The following RPGR variants were observed in gnomAD, a reference collection of about 807,000 sequenced individuals.
The protein encoded by RPGR is retinitis pigmentosa GTPase regulator.
A neutral mutation model predicts 56.3 loss-of-function variants in RPGR; 10 were observed. That is an observed-to-expected ratio of 0.18 (90% CI 0.11 to 0.30). The LOEUF is 0.30. Among genes scored for constraint, RPGR ranks in the 10% least tolerant of loss-of-function variants. RPGR has a pLI of 1.00. For missense variants in RPGR, 538 were observed against 590.9 expected (o/e 0.91, Z 0.93); for synonymous variants, 197 against 212.9 (o/e 0.93, Z 0.65).
intron 6 of RPGR, among the ~76,000 whole-genome samples, chrX:38,311,249 C>T (rs973174986): frequency 1.2e-4 from 13 of 112,176 alleles, no homozygotes; most frequent in African/African-American, 3.6e-4. Context: ...GCAGATTTTA[C>T]CCATTTAGAT....
At chrX:38,285,657 AT>A (rs755018871) in intron 15 of RPGR, 1 of 1,210,365 alleles carries the variant, frequency 8.3e-7, no homozygotes, top group Non-Finnish European at 1.1e-6. Flanking sequence ...GCTCTTTCCC[AT>A]TTCCCTGTGT....
intron 9 of RPGR, among the ~76,000 whole-genome samples, 188 bp from the exon 10 acceptor site, chrX:38,299,329 T>C (rs1433203904): frequency 8.9e-6 from 1 of 112,455 alleles, no homozygotes; most frequent in Non-Finnish European, 1.9e-5. Flanking sequence ...ATACAATAGG[T>C]ACACAATTAC....
intron 16 of RPGR, among the ~76,000 whole-genome samples, chrX:38,276,190 A>G (rs967061145): frequency 8.9e-6 from 1 of 111,988 alleles, no homozygotes; most frequent in Non-Finnish European, 1.9e-5. Flanking sequence ...TCATTCACAC[A>G]TGTAAACATA....
chrX:38,272,114 C>G (rs892472001), intron 18 of RPGR, among the ~76,000 whole-genome samples: 1 of 110,350 alleles, frequency 9.1e-6, no homozygotes, highest in African/African-American at 3.3e-5. Context: ...ATCACTTACA[C>G]ATAGAAAACA....
At chrX:38,303,773 A>G in intron 8 of RPGR, 2 of 297,462 alleles carry the variant, frequency 6.7e-6, no homozygotes, top group Non-Finnish European at 1.2e-5. Flanking sequence ...AGATACCATT[A>G]GATGAGCAGT....
intron 13 of RPGR, among the ~76,000 whole-genome samples, chrX:38,289,094 T>G (rs1208169651): frequency 9.0e-6 from 1 of 111,608 alleles, no homozygotes; most frequent in East Asian, 2.8e-4. Context: ...ATTTTCAAAT[T>G]TTCATTTGTC....
intron 1 of RPGR, 132 bp from the exon 2 acceptor site, chrX:38,323,656 G>A: frequency 1.5e-6 from 1 of 654,053 alleles, no homozygotes; most frequent in Non-Finnish European, 2.4e-6. Context: ...CAATGTTTAA[G>A]CCTTCCTTCT....
At chrX:38,309,437 A>T (rs989024943) in intron 7 of RPGR, among the ~76,000 whole-genome samples, 4 of 112,706 alleles carry the variant, frequency 3.5e-5, no homozygotes, top group African/African-American at 1.3e-4. Context: ...TTTCAGGAAA[A>T]ATGTCAATTT....
intron 11 of RPGR, among the ~76,000 whole-genome samples, chrX:38,296,527 A>G (rs1035370941): frequency 4.5e-5 from 5 of 111,438 alleles, no homozygotes; most frequent in African/African-American, 1.6e-4. Flanking sequence ...CTGGGATTAC[A>G]AATTAAAACA....
intron 3 of RPGR, 56 bp from the exon 4 acceptor site, chrX:38,321,145 C>T (rs887156333): frequency 2.3e-6 from 2 of 876,830 alleles, no homozygotes; most frequent in Non-Finnish European, 3.4e-6. Flanking sequence ...GAACAGTAGT[C>T]CAGGACAAAT....
At chrX:38,271,207 T>A (rs2066836277) in intron 18 of RPGR, among the ~76,000 whole-genome samples, 1 of 111,185 alleles carries the variant, frequency 9.0e-6, no homozygotes, top group Non-Finnish European at 1.9e-5. Context: ...GAAACTAGGG[T>A]AAAAAGTGAT....
At chrX:38,323,638 C>A in intron 1 of RPGR, 114 bp from the exon 2 acceptor site, 2 of 806,227 alleles carry the variant, frequency 2.5e-6, no homozygotes, top group Admixed American at 5.3e-5. Context: ...GCTTTGCCCC[C>A]ACTCTGGCAA....
intron 15 of RPGR, among the ~76,000 whole-genome samples, chrX:38,282,646 G>A (rs1222662788): frequency 8.9e-6 from 1 of 111,767 alleles, no homozygotes; most frequent in Non-Finnish European, 1.9e-5. Context: ...CTCCAGGTCA[G>A]AAACAAGAAA....
chrX:38,301,191 G>A, intron 9 of RPGR, 56 bp downstream of exon 9: 1 of 1,022,772 alleles, frequency 9.8e-7, no homozygotes, highest in African/African-American at 1.9e-5. Context: ...ATGAAATACT[G>A]AAAGACTCAA....
chrX:38,321,799 A>G (rs754633166), intron 3 of RPGR, among the ~76,000 whole-genome samples: 2 of 111,833 alleles, frequency 1.8e-5, no homozygotes, highest in Non-Finnish European at 3.8e-5. Context: ...ACCACATTCA[A>G]TGAAAAACCG....
intron 3 of RPGR, 87 bp from the exon 4 acceptor site, chrX:38,321,176 G>A (rs763115119): frequency 7.4e-5 from 51 of 687,881 alleles, no homozygotes; most frequent in Non-Finnish European, 1.0e-4. Flanking sequence ...TGATAGAACC[G>A]AGATTTAATA....
Position 38,310,883 on chromosome X carries a change from C to T in RPGR, c.620-110G>A. 4.8e-6 allele frequency: 3 copies of T among 627,495 alleles called. No individual in the cohort carries two copies. In the South Asian group the frequency reaches 7.6e-5, roughly 16 times the overall value. The allele number at this position is 627,495 out of a possible 1,213,427, so 51.7% of individuals were successfully genotyped here. A position where few individuals can be genotyped will look rare whatever the true frequency, so the allele number is the denominator to read the frequency against. On this transcript the variant is annotated intron_variant, in intron 6 of 18. Transcript: ENST00000642395. ...GGATCACTTAATACATTTGACCTTT[C>T]TTGAGATATTTTTACTGTATGATAA...
At chrX:38,269,882 T>A in intron 18 of RPGR, 1 of 915,272 alleles carries the variant, frequency 1.1e-6, no homozygotes, top group Non-Finnish European at 1.6e-6. Context: ...AGTGAAACAT[T>A]CACTTAACAG....
At chrX:38,318,295 T>A (rs896137326) in intron 5 of RPGR, among the ~76,000 whole-genome samples, 1 of 109,665 alleles carries the variant, frequency 9.1e-6, no homozygotes, top group East Asian at 2.9e-4. Context: ...ACACCGGATG[T>A]TACACAGTCT....
Sources: gnomAD v4.1 joint callset for allele counts (sites outside exome capture counted in the v4.1 genomes callset) on GRCh38, gnomAD v4.1.1 for gene constraint, MANE v1.5 for transcripts, NCBI Gene and HGNC (gene_info 2026-07-23, HGNC 2026-07-21) for gene names.